ARMC9: variants seen among roughly 807,000 people sequenced by gnomAD.
ARMC9 encodes lisH domain-containing protein ARMC9.
Under a neutral mutation model 107.0 loss-of-function variants are expected in ARMC9, and 94 were observed. That is an observed-to-expected ratio of 0.88 (90% CI 0.74 to 1.04). The LOEUF (loss-of-function observed/expected upper bound fraction) is 1.04. ARMC9 is among the 50% of genes least tolerant of loss of function. The probability of loss-of-function intolerance (pLI) is 0.00; values close to 1 mark genes in which losing one functional copy is unlikely to be tolerated. For missense variants in ARMC9, 942 were observed against 1,030.1 expected (o/e 0.91, Z 1.17); for synonymous variants, 380 against 396.9 (o/e 0.96, Z 0.51).
intron 19 of ARMC9, among the ~76,000 whole-genome samples, chr2:231,301,138 CATAGAG>C (rs2041700175): frequency 6.6e-6 from 1 of 152,172 alleles, no homozygotes; most frequent in African/African-American, 2.4e-5. Flanking sequence ...AATGAGATAA[CATAGAG>C]ATAGAAATAC....
chr2:231,314,149 A>G (rs13383194), intron 19 of ARMC9, among the ~76,000 whole-genome samples: 80,980 of 149,996 alleles, frequency 0.54, 24,907 homozygotes, highest in African/African-American at 0.86. Context: ...GCGCAATCTC[A>G]GCTCACTACA....
At chr2:231,216,894 AATTTGCTTACATTAGTATT>A (rs1301959293) in intron 5 of ARMC9, 101 bp downstream of exon 5, 3 of 1,351,990 alleles carry the variant, frequency 2.2e-6, no homozygotes, top group Non-Finnish European at 3.0e-6. Flanking sequence ...AAAAAACTAA[AATTTGCTTACATTAGTATT>A]ATTTTTAGTT....
intron 1 of ARMC9, 45 bp from the exon 2 acceptor site, chr2:231,206,153 A>G: frequency 8.5e-7 from 1 of 1,180,696 alleles, no homozygotes; most frequent in Non-Finnish European, 1.3e-6. Context: ...GTAGTTTCAT[A>G]GGTGGTTGAA....
intron 23 of ARMC9, 42 bp from the exon 24 acceptor site, chr2:231,369,911 T>C: frequency 7.0e-7 from 1 of 1,437,784 alleles, no homozygotes; most frequent in Non-Finnish European, 9.2e-7. Flanking sequence ...TGGTTTCTAA[T>C]GCTGTAGTAG....
intron 19 of ARMC9, among the ~76,000 whole-genome samples, chr2:231,330,430 C>T (rs145111071): frequency 1.2e-3 from 185 of 152,266 alleles, no homozygotes; most frequent in Admixed American, 2.5e-3. Context: ...GACGAGAGTG[C>T]CCCGTCACTC....
At chr2:231,328,867 T>TGC (rs1196634684) in intron 19 of ARMC9, among the ~76,000 whole-genome samples, 1 of 147,854 alleles carries the variant, frequency 6.8e-6, no homozygotes, top group Non-Finnish European at 1.5e-5. Flanking sequence ...CAGGCTGGAG[T>TGC]GCAATGGGAC....
chr2:231,305,648 CGT>C (rs1274061211), intron 19 of ARMC9, among the ~76,000 whole-genome samples: 1 of 152,126 alleles, frequency 6.6e-6, no homozygotes, highest in East Asian at 1.9e-4. Flanking sequence ...ACAAGGCTAT[CGT>C]GTGTGTTTCT....
At chr2:231,312,374 A>G (rs1487492277) in intron 19 of ARMC9, among the ~76,000 whole-genome samples, 3 of 152,214 alleles carry the variant, frequency 2.0e-5, no homozygotes, top group Non-Finnish European at 2.9e-5. Context: ...ATTTCTGCCA[A>G]ATTCTACTGT....
At chr2:231,241,530 C>T (rs2036302248) in intron 9 of ARMC9, among the ~76,000 whole-genome samples, 1 of 152,128 alleles carries the variant, frequency 6.6e-6, no homozygotes, top group African/African-American at 2.4e-5. Flanking sequence ...GATCCTGAGA[C>T]AGCCCTGTGG....
chr2:231,339,545 T>G (rs534459151), intron 20 of ARMC9, among the ~76,000 whole-genome samples: 2 of 152,146 alleles, frequency 1.3e-5, no homozygotes, highest in Non-Finnish European at 2.9e-5. Flanking sequence ...TAAGCAATCC[T>G]CCTGCCTCAG....
At chr2:231,221,188 T>A (rs2034088819) in intron 5 of ARMC9, among the ~76,000 whole-genome samples, 1 of 152,198 alleles carries the variant, frequency 6.6e-6, no homozygotes, top group South Asian at 2.1e-4. Context: ...CCCAGCTTCT[T>A]GTAGCCACGG....
Position 231,328,804 on chromosome 2 carries a change from C to CTTTTGTT in ARMC9, c.1774-2985_1774-2984insGTTTTTT, listed in dbSNP as rs1294809680. Reference sequence around the variant, plus strand: ...AAGTTGTCTTAGCGTGTTCAATTTTCTTTTCTTTTCTTTTCTTTTTTTTTT... The same window carrying CTTTTGTT: ...AAGTTGTCTTAGCGTGTTCAATTTTCTTTTGTTTTTTCTTTTCTTTTCTTTTTTTTTT... On this transcript the variant is annotated intron_variant, in intron 19 of 24. Transcript: ENST00000611582. 1.7e-5 allele frequency among the ~76,000 whole-genome samples: 2 copies of CTTTTGTT among 118,660 alleles called. 1 individual carries two copies. The highest frequency in any genetic ancestry group is 3.7e-5 in the Non-Finnish European group (2 of 53,386). 77.8% of individuals were successfully genotyped at this position (118,660 alleles called of 152,430 possible).
chr2:231,363,728 T>C (rs1396802890), intron 23 of ARMC9, among the ~76,000 whole-genome samples: 7 of 151,874 alleles, frequency 4.6e-5, no homozygotes, highest in Admixed American at 3.3e-4. Flanking sequence ...CTACTAAAAA[T>C]ACAAAAATTA....
chr2:231,218,926 A>G (rs2033820092), intron 5 of ARMC9, among the ~76,000 whole-genome samples: 1 of 151,850 alleles, frequency 6.6e-6, no homozygotes, highest in African/African-American at 2.4e-5. Context: ...TAATTTTTGT[A>G]TTTTTAGTAG....
At chr2:231,313,144 A>G (rs991642073) in intron 19 of ARMC9, among the ~76,000 whole-genome samples, 4 of 152,102 alleles carry the variant, frequency 2.6e-5, no homozygotes, top group Admixed American at 6.6e-5. Flanking sequence ...GGGTTCATCT[A>G]TTGTGGAATT....
chr2:231,340,159 A>G (rs1357341908), intron 20 of ARMC9, among the ~76,000 whole-genome samples: 4 of 152,248 alleles, frequency 2.6e-5, no homozygotes, highest in East Asian at 3.8e-4. Context: ...AAGAGAGGCA[A>G]TGGTGGAAAA....
At chr2:231,211,350 G>A (rs1223960211) in intron 3 of ARMC9, among the ~76,000 whole-genome samples, 5 of 149,184 alleles carry the variant, frequency 3.4e-5, no homozygotes, top group Non-Finnish European at 7.4e-5. Flanking sequence ...GTGAAACCCC[G>A]CCTCTACTAA....
chr2:231,328,161 T>C (rs562443763), intron 19 of ARMC9, among the ~76,000 whole-genome samples: 1 of 152,336 alleles, frequency 6.6e-6, no homozygotes, highest in Non-Finnish European at 1.5e-5. Context: ...GCTAATGATA[T>C]TGAACATCTT....
chr2:231,241,198 CAA>C (rs5839393), intron 9 of ARMC9, among the ~76,000 whole-genome samples: 211 of 116,126 alleles, frequency 1.8e-3, no homozygotes, highest in African/African-American at 2.2e-3. Context: ...GACTTAGTCT[CAA>C]AAAAAAAAAA....
Sources: allele counts gnomAD v4.1 joint callset (sites outside exome capture counted in the v4.1 genomes callset), GRCh38; gene constraint gnomAD v4.1.1; transcripts MANE v1.5; gene names NCBI Gene and HGNC (gene_info 2026-07-23, HGNC 2026-07-21).